WDR49: variants seen among roughly 807,000 people sequenced by gnomAD.
The protein encoded by WDR49 is cilia- and flagella-associated protein 337.
WDR49 carries 107 observed loss-of-function variants against 119.5 expected under a neutral mutation model. The ratio of observed to expected loss-of-function variants is 0.90; its 90% CI spans 0.77 to 1.05. The LOEUF (loss-of-function observed/expected upper bound fraction) is 1.05, where lower values mean the gene tolerates loss of function less well. Among genes scored for constraint, WDR49 ranks in the 50% least tolerant of loss-of-function variants. WDR49 has a pLI of 0.00. For synonymous variants in WDR49, 425 were observed against 418.8 expected (o/e 1.01, Z -0.18); for missense variants, 1,240 against 1,220.5 (o/e 1.02, Z -0.24).
At chr3:167,599,612 C>A (rs1715660686) in intron 7 of WDR49, among the ~76,000 whole-genome samples, 1 of 152,184 alleles carries the variant, frequency 6.6e-6, no homozygotes, top group Non-Finnish European at 1.5e-5. Context: ...CAAAAATCAC[C>A]TTTACTTAAC....
chr3:167,592,437 CT>C (rs372398450), intron 7 of WDR49, among the ~76,000 whole-genome samples: 1,452 of 133,308 alleles, frequency 0.011, 6 homozygotes, highest in African/African-American at 0.034. Flanking sequence ...TTTTCTTTTT[CT>C]TTTTTTTTTT....
chr3:167,545,454 G>A (rs115713631), intron 10 of WDR49, among the ~76,000 whole-genome samples: 10,949 of 142,752 alleles, frequency 0.077, 813 homozygotes, highest in African/African-American at 0.19. Context: ...CCAAATGCCC[G>A]TCAATCAATA....
chr3:167,480,879 A>G (rs1750693984), intron 18 of WDR49, among the ~76,000 whole-genome samples: 1 of 152,166 alleles, frequency 6.6e-6, no homozygotes, highest in Admixed American at 6.5e-5. Flanking sequence ...AGAGGTGAAC[A>G]TGGTTGGAAG....
At chr3:167,484,457 A>G (rs1021215965) in intron 18 of WDR49, among the ~76,000 whole-genome samples, 1 of 152,086 alleles carries the variant, frequency 6.6e-6, no homozygotes, top group Non-Finnish European at 1.5e-5. Context: ...AAATATATAT[A>G]TATGTATAAG....
intron 3 of WDR49, 70 bp from the exon 4 acceptor site, chr3:167,621,713 C>G: frequency 7.2e-7 from 1 of 1,392,036 alleles, no homozygotes. Flanking sequence ...GCAAAGCAGA[C>G]ACGCCACTCT....
At chr3:167,574,312 C>CTAAAATGAT (rs1714116548) in intron 8 of WDR49, among the ~76,000 whole-genome samples, 1 of 152,102 alleles carries the variant, frequency 6.6e-6, no homozygotes, top group Admixed American at 6.5e-5. Context: ...TCTAATTACT[C>CTAAAATGAT]TAAAATGATA....
At chr3:167,525,756 C>A (rs1224708909) in intron 15 of WDR49, among the ~76,000 whole-genome samples, 1 of 152,052 alleles carries the variant, frequency 6.6e-6, no homozygotes, top group African/African-American at 2.4e-5. Context: ...ACATACCATA[C>A]AACTTACTTT....
intron 7 of WDR49, among the ~76,000 whole-genome samples, chr3:167,583,003 A>AAG (rs1304329356): frequency 6.6e-5 from 10 of 150,768 alleles, no homozygotes; most frequent in Admixed American, 2.0e-4. Context: ...TAGAGAGAGA[A>AAG]AGAGAGAGAG....
intron 2 of WDR49, among the ~76,000 whole-genome samples, chr3:167,629,924 A>G (rs770439127): frequency 3.9e-5 from 6 of 152,160 alleles, no homozygotes; most frequent in Non-Finnish European, 7.4e-5. Context: ...ATGAGCAAAG[A>G]AAGTTGTTTC....
intron 9 of WDR49, among the ~76,000 whole-genome samples, chr3:167,555,530 C>A (rs1712871487): frequency 6.6e-6 from 1 of 152,322 alleles, no homozygotes; most frequent in East Asian, 1.9e-4. Flanking sequence ...CAAGTTACAA[C>A]ATATGCTTGT....
intron 18 of WDR49, among the ~76,000 whole-genome samples, chr3:167,499,066 A>G (rs1751464556): frequency 6.6e-6 from 1 of 152,206 alleles, no homozygotes; most frequent in Admixed American, 6.5e-5. Flanking sequence ...CACAAGAGCA[A>G]GCAAAGAGAA....
intron 7 of WDR49, among the ~76,000 whole-genome samples, chr3:167,581,606 G>A (rs1443847399): frequency 6.6e-6 from 1 of 152,088 alleles, no homozygotes; most frequent in Non-Finnish European, 1.5e-5. Context: ...GCCAGAGGTG[G>A]ACAGAATCAC....
Position 167,501,775 on chromosome 3 carries a change from C to T in WDR49, c.2885-1476G>A, listed in dbSNP as rs56015436. On this transcript the variant is annotated intron_variant, in intron 17 of 18. Coordinates refer to ENST00000682715, the MANE Select transcript of WDR49 (RefSeq NM_001366157.1). Reference sequence around the variant, plus strand: ...ACTGGTCTTTAATTGTTTTCTGGTCCGTCAACAACTAGACTAATGCATTGT... The same window carrying T: ...ACTGGTCTTTAATTGTTTTCTGGTCTGTCAACAACTAGACTAATGCATTGT... 1.0e-3 allele frequency among the ~76,000 whole-genome samples: 154 copies of T among 152,158 alleles called. 1 individual carries two copies. The highest frequency in any genetic ancestry group is 3.1e-3 in the African/African-American group (130 of 41,534).
chr3:167,641,460 C>A (rs1717879024), intron 2 of WDR49, among the ~76,000 whole-genome samples: 1 of 151,890 alleles, frequency 6.6e-6, no homozygotes, highest in African/African-American at 2.4e-5. Context: ...GACCTGTTCT[C>A]TTCTCACATC....
intron 5 of WDR49, 27 bp from the exon 6 acceptor site, chr3:167,604,495 C>T (rs1715944176): frequency 6.4e-7 from 1 of 1,551,662 alleles, no homozygotes; most frequent in Admixed American, 1.9e-5. Flanking sequence ...AAGAGAAAAA[C>T]AATCTTTAGT....
intron 2 of WDR49, among the ~76,000 whole-genome samples, chr3:167,647,477 G>A (rs1038318269): frequency 6.6e-5 from 10 of 152,178 alleles, no homozygotes; most frequent in Admixed American, 2.6e-4. Context: ...ACTTCCTTGA[G>A]TTTTGGTGAT....
At chr3:167,591,623 T>G (rs1035763515) in intron 7 of WDR49, among the ~76,000 whole-genome samples, 15 of 152,194 alleles carry the variant, frequency 9.9e-5, no homozygotes, top group Admixed American at 3.3e-4. Context: ...TTATATTCTC[T>G]TGCTGAACTA....
chr3:167,482,108 G>A (rs1170381031), intron 18 of WDR49, among the ~76,000 whole-genome samples: 2 of 152,156 alleles, frequency 1.3e-5, no homozygotes, highest in South Asian at 2.1e-4. Context: ...AGACTTTAGA[G>A]ATAAAGAGGA....
At chr3:167,648,616 C>A (rs1158199195) in intron 2 of WDR49, among the ~76,000 whole-genome samples, 1 of 152,162 alleles carries the variant, frequency 6.6e-6, no homozygotes, top group Non-Finnish European at 1.5e-5. Flanking sequence ...TGGGTGAGAT[C>A]ATTATCTGGG....
Sources: allele counts gnomAD v4.1 joint callset (sites outside exome capture counted in the v4.1 genomes callset), GRCh38; gene constraint gnomAD v4.1.1; transcripts MANE v1.5; gene names NCBI Gene and HGNC (gene_info 2026-07-23, HGNC 2026-07-21).